Variants in OR2L2 observed in about 807,000 individuals in gnomAD.
The protein encoded by OR2L2 is olfactory receptor 2L2.
For missense variants in OR2L2, 378 were observed against 375.2 expected, an observed-to-expected ratio of 1.01 and a Z score of -0.06; for synonymous variants, 156 against 135.4, an observed-to-expected ratio of 1.15 and a Z score of -1.06.
chr1:248,030,875 C>A (rs1662600843), intron 1 of OR2L2, among the ~76,000 whole-genome samples: 1 of 152,126 alleles, frequency 6.6e-6, no homozygotes, highest in Non-Finnish European at 1.5e-5. Flanking sequence ...TCATTCCATT[C>A]ATGTAGGACA....
intron 1 of OR2L2, among the ~76,000 whole-genome samples, chr1:248,032,519 T>G (rs1375152497): frequency 6.6e-6 from 1 of 152,138 alleles, no homozygotes; most frequent in Non-Finnish European, 1.5e-5. Context: ...CTTGACTCCC[T>G]TCCCCCATCC....
At chr1:248,034,803 T>C (rs1662711247) in intron 1 of OR2L2, among the ~76,000 whole-genome samples, 1 of 152,216 alleles carries the variant, frequency 6.6e-6, no homozygotes, top group African/African-American at 2.4e-5. Context: ...ACTTGAAGCC[T>C]AGGTTCAGAA....
In OR2L2 at chr1:248,038,554, G is replaced by A. The variant is rs140850093; in HGVS notation, c.287G>A (p.Cys96Tyr). ...YGNKSISFTGCGIQSFFFLTL... is the reference protein window; with the variant it reads ...YGNKSISFTGYGIQSFFFLTL... ...AACAAGTCTATCTCCTTCACTGGAT[G>A]TGGGATTCAGAGTTTCTTCTTCTTG... The change falls in exon 3 of 3, where the codon TGT becomes TAT. Residue 96 changes from cysteine to tyrosine, a missense_variant. Cys to Tyr is a radical substitution (Grantham distance 194). Transcript: ENST00000641771. 9.5e-4 allele frequency: 1,533 copies of A among 1,614,176 alleles called. 14 individuals carry two copies. In the African/African-American group the frequency reaches 0.017, roughly 18 times the overall value.
rs1271794989 is a variant in OR2L2, at chr1:248,041,714, C to T, written c.*2508C>T. The T allele has an allele frequency of 6.6e-6, 1 of 152,248 alleles. No individual in the cohort carries two copies. Among genetic ancestry groups the T allele is most frequent in the East Asian group, 1.9e-4 (1 of 5,172 alleles). The allele number at this position is 152,248 out of a possible 1,614,324, so 9.4% of individuals were successfully genotyped here. On this transcript the variant is annotated 3_prime_UTR_variant, in exon 3 of 3. Coordinates refer to ENST00000641771, the MANE Select transcript of OR2L2 (RefSeq NM_001385855.1). Reference sequence around the variant, plus strand: ...AGTGGGTGAAGGACATGAACAGACACTTCTCAAAAGAAGACATTTATGCAG... The same window carrying T: ...AGTGGGTGAAGGACATGAACAGACATTTCTCAAAAGAAGACATTTATGCAG...
At chr1:248,035,225 C>T (rs537838749) in intron 1 of OR2L2, among the ~76,000 whole-genome samples, 2 of 151,854 alleles carry the variant, frequency 1.3e-5, no homozygotes, top group African/African-American at 2.4e-5. Context: ...CCGAGATGGG[C>T]GGATCACGAG....
chr1:248,038,157 G>A, intron 2 of OR2L2, 90 bp from the exon 3 acceptor site: 1 of 748,242 alleles, frequency 1.3e-6, no homozygotes, highest in East Asian at 2.5e-5. Flanking sequence ...ATCAACCCCA[G>A]TTTCAGGCAT....
chr1:248,038,187 G>T (rs1662818498), intron 2 of OR2L2, 60 bp from the exon 3 acceptor site: 1 of 995,930 alleles, frequency 1.0e-6, no homozygotes, highest in African/African-American at 1.6e-5. Context: ...GTCTTGTAAT[G>T]CAGCCACTGT....
rs1410564130 is a variant in OR2L2, at chr1:248,038,974, C to G, written c.707C>G (p.Ala236Gly). Reference protein sequence around the residue: ...RMHSAEGRKKAYSTCSTHLTV... With the variant: ...RMHSAEGRKKGYSTCSTHLTV... ...CACTCTGCAGAAGGGAGGAAGAAGGCCTATTCAACCTGTAGCACCCACCTC... is the reference window on the plus strand; with the variant it reads ...CACTCTGCAGAAGGGAGGAAGAAGGGCTATTCAACCTGTAGCACCCACCTC... The change falls in exon 3 of 3, where the codon GCC (alanine) becomes GGC (glycine). Residue 236 changes from alanine (A) to glycine (G), a missense_variant. Transcript: ENST00000641771. The G allele has an allele frequency of 6.2e-7, 1 of 1,614,086 alleles. No individual in the cohort carries two copies.
Position 248,041,618 on chromosome 1 carries a change from AG to A in OR2L2, c.*2415del. The A allele has an allele frequency of 6.6e-6, 1 of 152,306 alleles. No homozygotes were observed. The highest frequency in any genetic ancestry group is 2.1e-4 in the South Asian group (1 of 4,828). 9.4% of individuals were successfully genotyped at this position (152,306 alleles called of 1,614,324 possible). On this transcript the variant is annotated 3_prime_UTR_variant, in exon 3 of 3. Transcript: ENST00000641771. ...TTTTTGCAACCTACTCATCTGACAA[AG>A]GGCTAATATCCAGAATCTACAATGA...
chr1:248,031,599 C>T (rs1572685114), intron 1 of OR2L2, among the ~76,000 whole-genome samples: 1 of 152,220 alleles, frequency 6.6e-6, no homozygotes, highest in Admixed American at 6.5e-5. Context: ...CTGGCTGGCA[C>T]CACCGCAGGC....
intron 2 of OR2L2, among the ~76,000 whole-genome samples, chr1:248,037,457 G>A (rs1662795002): frequency 6.6e-6 from 1 of 152,008 alleles, no homozygotes; most frequent in Non-Finnish European, 1.5e-5. Flanking sequence ...TGATCTTAAT[G>A]GCATCTGAGA....
rs1234022319 is a variant in OR2L2, at chr1:248,039,407, G to A, written c.*201G>A. ...ACATCTATTTTGATTTTGTTTGTGT[G>A]TGGTTTTTGTTTGTTTGTTTGTTTG... On this transcript the variant is annotated 3_prime_UTR_variant, in exon 3 of 3. Coordinates refer to ENST00000641771, the MANE Select transcript of OR2L2 (RefSeq NM_001385855.1). The A allele has an allele frequency of 1.0e-5, 4 of 401,388 alleles. No homozygotes were observed. Among genetic ancestry groups the A allele is most frequent in the Non-Finnish European group, 1.3e-5 (3 of 232,028 alleles). The allele number at this position is 401,388 out of a possible 1,614,324, so 24.9% of individuals were successfully genotyped here.
chr1:248,032,886 A>ACTAAGG (rs1368527241), intron 1 of OR2L2, among the ~76,000 whole-genome samples: 3 of 152,182 alleles, frequency 2.0e-5, no homozygotes, highest in African/African-American at 7.2e-5. Context: ...TGGAACCTAT[A>ACTAAGG]CTAACTCTGT....
intron 2 of OR2L2, among the ~76,000 whole-genome samples, chr1:248,037,011 G>A (rs1662781229): frequency 6.6e-6 from 1 of 152,130 alleles, no homozygotes; most frequent in Non-Finnish European, 1.5e-5. Flanking sequence ...AGACATGGAA[G>A]CTAAAATGAA....
Position 248,038,501 on chromosome 1 carries a change from A to T in OR2L2, c.234A>T (p.Pro78=), listed in dbSNP as rs76653204. Residue 78 remains proline (P), a synonymous_variant, in exon 3 of 3, where the codon CCA becomes CCT. Transcript: ENST00000641771. ...IDLNYISTIV[P]KMVYDFLYGN... ...TAAATTACATCTCCACCATTGTTCC[A>T]AAGATGGTTTATGATTTTCTGTATG... The T allele has an allele frequency of 6.2e-7, 1 of 1,613,878 alleles. No individual in the cohort carries two copies. Among genetic ancestry groups the T allele is most frequent in the African/African-American group, 1.3e-5 (1 of 74,902 alleles).
chr1:248,030,944 C>G (rs1240966601), intron 1 of OR2L2, among the ~76,000 whole-genome samples: 1 of 152,122 alleles, frequency 6.6e-6, no homozygotes, highest in Non-Finnish European at 1.5e-5. Flanking sequence ...AGAAATTTTT[C>G]TGCTCTCTTT....
At position 248,030,164 on chromosome 1, in the gene OR2L2, C is replaced by T. The variant is rs553451227; in HGVS notation, c.-168C>T. 1 of 152,144 alleles carries T rather than the reference C, an allele frequency of 6.6e-6. No individual in the cohort carries two copies. Among genetic ancestry groups the T allele is most frequent in the Non-Finnish European group, 1.5e-5 (1 of 67,968 alleles). 9.4% of individuals were successfully genotyped at this position (152,144 alleles called of 1,614,324 possible). On this transcript the variant is annotated 5_prime_UTR_variant, in exon 1 of 3. Transcript: ENST00000641771. ...GCTTACTCAGAAAAATGAATTTGTT[C>T]CTATGATGACTGTAGGACTGCCGTC...
intron 1 of OR2L2, among the ~76,000 whole-genome samples, chr1:248,033,006 G>A (rs760468621): frequency 6.6e-6 from 1 of 152,072 alleles, no homozygotes; most frequent in Non-Finnish European, 1.5e-5. Flanking sequence ...GTAAATCAAG[G>A]AGCATCTGGA....
chr1:248,038,870 C>T lies in OR2L2; in HGVS notation c.603C>T (p.Ser201=), dbSNP rs781643514. Reference sequence around the variant, plus strand: ...TCTATGAGAGCACAGTGTTTTTGAGCAGCACCATCTTTCTTGTGCTTCCTT... The same window carrying T: ...TCTATGAGAGCACAGTGTTTTTGAGTAGCACCATCTTTCTTGTGCTTCCTT... The part of the protein sequence containing the change: ...TWVYESTVFL[S]STIFLVLPFT... Residue 201 remains serine (S), a synonymous_variant, in exon 3 of 3, where the codon AGC becomes AGT. Transcript: ENST00000641771. The T allele has an allele frequency of 6.8e-6, 11 of 1,614,064 alleles. No individual in the cohort carries two copies. Among genetic ancestry groups the T allele is most frequent in the Non-Finnish European group, 9.3e-6 (11 of 1,180,038 alleles).
Sources: gnomAD v4.1 joint callset for allele counts (sites outside exome capture counted in the v4.1 genomes callset) on GRCh38, gnomAD v4.1.1 for gene constraint, MANE v1.5 for transcripts, NCBI Gene and HGNC (gene_info 2026-07-23, HGNC 2026-07-21) for gene names.